The following AGBL4 variants were observed in gnomAD, a reference collection of about 807,000 sequenced individuals.
AGBL4 encodes the protein AGBL carboxypeptidase 4, also known as cytosolic carboxypeptidase 6.
A neutral mutation model predicts 66.4 loss-of-function variants in AGBL4; 58 were observed. The ratio of observed to expected loss-of-function variants is 0.87; its 90% CI spans 0.71 to 1.09. AGBL4 has a LOEUF of 1.09. Among genes scored for constraint, AGBL4 ranks in the 50% least tolerant of loss-of-function variants. The pLI, the probability that AGBL4 is intolerant of heterozygous loss-of-function variation, is 0.00. For missense variants in AGBL4, 579 were observed against 631.0 expected (o/e 0.92, Z 0.88); for synonymous variants, 234 against 222.9 (o/e 1.05, Z -0.44).
At chr1:49,175,725 G>A (rs190845149) in intron 4 of AGBL4, among the ~76,000 whole-genome samples, 4 of 152,128 alleles carry the variant, frequency 2.6e-5, no homozygotes, top group Admixed American at 6.5e-5. Context: ...AACTGACCAG[G>A]GTCTACAGGG....
At chr1:48,680,149 C>T (rs1056676722) in intron 6 of AGBL4, among the ~76,000 whole-genome samples, 2 of 152,200 alleles carry the variant, frequency 1.3e-5, no homozygotes, top group Admixed American at 6.5e-5. Flanking sequence ...ATAAAAATGA[C>T]GCAGCTATAA....
In AGBL4 at chr1:48,662,790, A is replaced by G. The variant is rs934969934; in HGVS notation, c.724+362T>C. 3.9e-5 allele frequency among the ~76,000 whole-genome samples: 6 copies of G among 152,154 alleles called. 1 individual carries two copies. The highest frequency in any genetic ancestry group is 1.4e-4 in the African/African-American group (6 of 41,436). On this transcript the variant is annotated intron_variant, in intron 7 of 13. Coordinates refer to ENST00000371839, the MANE Select transcript of AGBL4 (RefSeq NM_032785.4). ...TCACAGCTCTTCTGCCAACATACAC[A>G]TTGACCTGGGGCCAGATTTCTTGCT...
intron 7 of AGBL4, among the ~76,000 whole-genome samples, chr1:48,656,889 T>C (rs1380829103): frequency 6.6e-6 from 1 of 152,162 alleles, no homozygotes; most frequent in African/African-American, 2.4e-5. Flanking sequence ...ACTTGGGTGA[T>C]GGGATCATTA....
At chr1:49,535,693 T>A (rs1220317472) in intron 3 of AGBL4, among the ~76,000 whole-genome samples, 2 of 152,164 alleles carry the variant, frequency 1.3e-5, no homozygotes, top group East Asian at 3.9e-4. Context: ...TCGTTTGGTT[T>A]TTTTTGTTTG....
At chr1:49,807,671 T>C (rs765179228) in intron 2 of AGBL4, among the ~76,000 whole-genome samples, 2 of 152,216 alleles carry the variant, frequency 1.3e-5, no homozygotes, top group African/African-American at 4.8e-5. Flanking sequence ...AATGAATGCA[T>C]TCTGCTTCTG....
intron 6 of AGBL4, among the ~76,000 whole-genome samples, chr1:48,802,745 C>T (rs1225978108): frequency 6.6e-6 from 1 of 152,198 alleles, no homozygotes; most frequent in Non-Finnish European, 1.5e-5. Context: ...TGTCTCTAGG[C>T]CCTGCCTCTG....
chr1:48,948,084 G>C (rs145406446), intron 5 of AGBL4, among the ~76,000 whole-genome samples: 221 of 152,158 alleles, frequency 1.5e-3, no homozygotes, highest in African/African-American at 5.1e-3. Flanking sequence ...TTTCACAAAG[G>C]CTGGAAAACA....
intron 3 of AGBL4, among the ~76,000 whole-genome samples, chr1:49,440,811 A>G (rs931696911): frequency 6.6e-6 from 1 of 152,274 alleles, no homozygotes; most frequent in Admixed American, 6.5e-5. Context: ...CATTGATTAG[A>G]AAAGAATGGG....
intron 2 of AGBL4, among the ~76,000 whole-genome samples, chr1:49,727,799 T>C (rs994592948): frequency 1.3e-5 from 2 of 152,140 alleles, no homozygotes; most frequent in African/African-American, 2.4e-5. Flanking sequence ...AATTTGCAGG[T>C]ATCCCATAAA....
intron 6 of AGBL4, among the ~76,000 whole-genome samples, chr1:48,807,550 G>A (rs904516847): frequency 6.6e-6 from 1 of 152,154 alleles, no homozygotes; most frequent in African/African-American, 2.4e-5. Context: ...GGGGTGTAGT[G>A]TTGTTTCTCC....
chr1:48,836,923 A>G (rs1012661771), intron 6 of AGBL4, among the ~76,000 whole-genome samples: 2 of 150,472 alleles, frequency 1.3e-5, no homozygotes, highest in Non-Finnish European at 3.0e-5. Context: ...TATTCTCATG[A>G]GGGTTAAAAG....
At chr1:49,827,165 TGCC>T (rs1645532141) in intron 2 of AGBL4, among the ~76,000 whole-genome samples, 1 of 152,130 alleles carries the variant, frequency 6.6e-6, no homozygotes, top group Non-Finnish European at 1.5e-5. Context: ...AATGATTTGT[TGCC>T]CTCTGAAAAT....
intron 2 of AGBL4, among the ~76,000 whole-genome samples, chr1:49,734,159 G>T (rs1373205350): frequency 6.6e-6 from 1 of 152,020 alleles, no homozygotes; most frequent in Non-Finnish European, 1.5e-5. Flanking sequence ...GTGGGCTACA[G>T]CTAACATCAT....
intron 4 of AGBL4, among the ~76,000 whole-genome samples, chr1:49,072,995 G>C (rs1279149975): frequency 1.3e-5 from 2 of 151,694 alleles, no homozygotes; most frequent in African/African-American, 2.4e-5. Context: ...TCATTAATTT[G>C]ATTTTCAGTC....
intron 4 of AGBL4, among the ~76,000 whole-genome samples, chr1:49,231,747 T>G (rs1216798438): frequency 3.3e-5 from 5 of 152,170 alleles, no homozygotes; most frequent in African/African-American, 1.2e-4. Context: ...ATGGTTTTAC[T>G]TAGGAGTATT....
At chr1:49,056,769 GA>G (rs1443694697) in intron 4 of AGBL4, among the ~76,000 whole-genome samples, 1 of 152,112 alleles carries the variant, frequency 6.6e-6, no homozygotes, top group African/African-American at 2.4e-5. Context: ...AGAAGCTGTG[GA>G]GGGGGTAAAA....
intron 2 of AGBL4, among the ~76,000 whole-genome samples, chr1:49,796,661 T>G (rs997219174): frequency 1.3e-5 from 2 of 151,576 alleles, no homozygotes; most frequent in African/African-American, 4.8e-5. Context: ...GAACTATGTT[T>G]CTGCTTTTTT....
chr1:49,032,133 G>A (rs1664279475), intron 5 of AGBL4, among the ~76,000 whole-genome samples: 1 of 152,192 alleles, frequency 6.6e-6, no homozygotes, highest in South Asian at 2.1e-4. Flanking sequence ...GAAGGCCAGT[G>A]TGGGTAGACC....
intron 1 of AGBL4, among the ~76,000 whole-genome samples, chr1:49,902,124 C>T (rs1649821162): frequency 6.6e-6 from 1 of 152,046 alleles, no homozygotes; most frequent in South Asian, 2.1e-4. Context: ...GGACACAGAA[C>T]CTGACAAGGA....
Sources: allele counts gnomAD v4.1 joint callset (sites outside exome capture counted in the v4.1 genomes callset), GRCh38; gene constraint gnomAD v4.1.1; transcripts MANE v1.5; gene names NCBI Gene and HGNC (gene_info 2026-07-23, HGNC 2026-07-21).